The following RPS6KA2 variants were observed in gnomAD, a reference collection of about 807,000 sequenced individuals.
The protein encoded by RPS6KA2 is ribosomal protein S6 kinase A2.
RPS6KA2 carries 42 observed loss-of-function variants against 91.8 expected under a neutral mutation model. That is an observed-to-expected ratio of 0.46 (90% CI 0.36 to 0.59). The LOEUF (loss-of-function observed/expected upper bound fraction) is 0.59. Ranked by LOEUF, RPS6KA2 falls within the 20% of genes least tolerant of loss-of-function variation. RPS6KA2 has a pLI of 0.00. For synonymous variants in RPS6KA2, 414 were observed against 393.6 expected, an observed-to-expected ratio of 1.05 and a Z score of -0.61; for missense variants, 798 against 978.5, an observed-to-expected ratio of 0.82 and a Z score of 2.46.
Position 166,504,640 on chromosome 6 carries a change from C to A in RPS6KA2, c.460-28G>T, listed in dbSNP as rs192353643. 49,670 of 1,478,986 alleles carry A rather than the reference C, an allele frequency of 0.034. 768 individuals carry two copies. Among genetic ancestry groups the A allele is most frequent in the Admixed American group, 0.11 (5,818 of 52,626 alleles). 91.6% of individuals were successfully genotyped at this position (1,478,986 alleles called of 1,614,324 possible). On this transcript the variant is annotated intron_variant, in intron 5 of 20. Coordinates refer to ENST00000265678, the MANE Select transcript of RPS6KA2 (RefSeq NM_021135.6). The stretch of plus-strand genomic sequence containing the variant: ...AGTAAGAAAAAAACAAAAACAAAAA[C>A]AAAAAACGTTTAACTTGTTTTATGG...
Position 166,862,106 on chromosome 6 carries a change from A to G in RPS6KA2, c.63+2T>C. 6.2e-7 allele frequency: 1 copy of G among 1,614,146 alleles called. No individual in the cohort carries two copies. Among genetic ancestry groups the G allele is most frequent in the Non-Finnish European group, 8.5e-7 (1 of 1,180,010 alleles). ...GAAAAGTGCGTTCTCTCCTGCACTC[A>G]CCTCTATTTCCATAGGCTCCACCTC... On this transcript the variant is annotated splice_donor_variant, in intron 1 of 21. Transcript: ENST00000503859. LOFTEE classifies it high-confidence loss of function.
chr6:166,443,107 G>A (rs997068768), intron 14 of RPS6KA2, among the ~76,000 whole-genome samples: 5 of 151,964 alleles, frequency 3.3e-5, no homozygotes, highest in Non-Finnish European at 4.4e-5. Context: ...ACTGTATTAA[G>A]AATACAGTAT....
intron 10 of RPS6KA2, among the ~76,000 whole-genome samples, chr6:166,474,298 A>G (rs1780882120): frequency 6.6e-6 from 1 of 152,190 alleles, no homozygotes; most frequent in South Asian, 2.1e-4. Context: ...GGACAGGAAA[A>G]CAGTAACAAG....
rs1415266000 is a variant in RPS6KA2, at chr6:166,419,704, C to T, written c.1820+178G>A. On this transcript the variant is annotated intron_variant, in intron 18 of 20. Coordinates refer to ENST00000265678, the MANE Select transcript of RPS6KA2 (RefSeq NM_021135.6). The surrounding 1 kb of genome is among the most constrained non-coding windows in gnomAD (Gnocchi z 5.6). ...TTTCTTGTCCTTGTTGTTCAGTTGT[C>T]CTGAGGGGCTAAGAAAGTCTGCGAG... is the stretch of plus-strand genomic sequence containing the variant. Among the ~76,000 whole-genome samples, 1 of 152,180 alleles carries T rather than the reference C, an allele frequency of 6.6e-6. No individual in the cohort carries two copies. The highest frequency in any genetic ancestry group is 1.5e-5 in the Non-Finnish European group (1 of 68,042).
intron 2 of RPS6KA2, among the ~76,000 whole-genome samples, chr6:166,709,169 T>A (rs1479158792): frequency 6.6e-6 from 1 of 152,188 alleles, no homozygotes; most frequent in Non-Finnish European, 1.5e-5. Flanking sequence ...TCACCTCTGC[T>A]TCCCTCACCG....
At chr6:166,428,185 G>C (rs1778994558) in intron 16 of RPS6KA2, among the ~76,000 whole-genome samples, 1 of 151,766 alleles carries the variant, frequency 6.6e-6, no homozygotes, top group African/African-American at 2.4e-5. Flanking sequence ...ACAAACCTGA[G>C]AAAAACAAGC....
intron 17 of RPS6KA2, 128 bp from the exon 18 acceptor site, chr6:166,420,086 T>G (rs2128440247): frequency 2.5e-6 from 2 of 793,174 alleles, no homozygotes; most frequent in South Asian, 3.1e-5. Flanking sequence ...ATGTCTTCGG[T>G]GTGACCACTG....
At chr6:166,701,852 G>C (rs1481578566) in intron 2 of RPS6KA2, 2 of 892,998 alleles carry the variant, frequency 2.2e-6, no homozygotes, top group Admixed American at 1.9e-5. Flanking sequence ...AGCTGTAATG[G>C]TGTGTTCTGG....
At chr6:166,623,401 G>A (rs1233112739) in intron 1 of RPS6KA2, among the ~76,000 whole-genome samples, 1 of 152,228 alleles carries the variant, frequency 6.6e-6, no homozygotes, top group Non-Finnish European at 1.5e-5. Flanking sequence ...CAGCTCAGTG[G>A]ACCTATGGTT....
In RPS6KA2 at chr6:166,500,794, G is replaced by A. The variant is rs573497149; in HGVS notation, c.604+93C>T. On this transcript the variant is annotated intron_variant, in intron 7 of 20. Coordinates refer to ENST00000265678, the MANE Select transcript of RPS6KA2 (RefSeq NM_021135.6). This position sits in a 1 kb window ranked among gnomAD's most constrained non-coding sequence, Gnocchi z 4.3. ...ACAAGCATCTGGCAAAGGGAAGGGC[G>A]GTGTAAATAAGAGGGCTTGGGCTTT... 121 of 1,129,370 alleles carry A rather than the reference G, an allele frequency of 1.1e-4. 1 individual carries two copies. Among genetic ancestry groups the A allele is most frequent in the South Asian group, 9.2e-4 (72 of 78,488 alleles). 70.0% of individuals were successfully genotyped at this position (1,129,370 alleles called of 1,614,324 possible). A position where few individuals can be genotyped will look rare whatever the true frequency, so the allele number is the denominator to read the frequency against.
chr6:166,702,804 G>A, intron 2 of RPS6KA2: 5 of 1,076,470 alleles, frequency 4.6e-6, no homozygotes, highest in South Asian at 1.2e-5. Flanking sequence ...AGGGGGCGGC[G>A]TTCTCGCTGA....
chr6:166,790,146 A>G (rs1349050501), intron 2 of RPS6KA2, among the ~76,000 whole-genome samples: 7 of 152,182 alleles, frequency 4.6e-5, no homozygotes, highest in African/African-American at 1.7e-4. Flanking sequence ...AACTAGAATA[A>G]CCAATGCAGA....
intron 2 of RPS6KA2, among the ~76,000 whole-genome samples, chr6:166,807,650 T>C (rs1006210479): frequency 2.6e-5 from 4 of 151,924 alleles, no homozygotes; most frequent in Non-Finnish European, 5.9e-5. Context: ...GCCTCTCCCC[T>C]GCTGTTCTCC....
At chr6:166,798,313 T>C (rs845650) in intron 2 of RPS6KA2, among the ~76,000 whole-genome samples, 66,257 of 152,068 alleles carry the variant, frequency 0.44, 14,934 homozygotes, top group East Asian at 0.54. Context: ...GAGTTACAGC[T>C]GGCCTCAAAA....
rs532566865 is a variant in RPS6KA2, at chr6:166,424,508, A to G, written c.1582-1091T>C. On this transcript the variant is annotated intron_variant, in intron 16 of 20. Transcript: ENST00000265678. ...GGAAGAGATGGCGCACAGAGGAAAC[A>G]TGTGATACGGTGCAGCTGCCTCCCT... Among the ~76,000 whole-genome samples, 3 of 151,956 alleles carry G rather than the reference A, an allele frequency of 2.0e-5. No individual in the cohort carries two copies. In the South Asian group the frequency reaches 6.2e-4, roughly 32 times the overall value.
upstream of RPS6KA2, among the ~76,000 whole-genome samples, chr6:166,630,080 C>G (rs1293892800): frequency 6.6e-6 from 1 of 152,152 alleles, no homozygotes; most frequent in African/African-American, 2.4e-5. Flanking sequence ...CTCTGAACCC[C>G]TGAGGGTAAG....
intron 2 of RPS6KA2, among the ~76,000 whole-genome samples, chr6:166,782,381 A>G (rs1778793950): frequency 6.6e-6 from 1 of 152,168 alleles, no homozygotes; most frequent in African/African-American, 2.4e-5. Flanking sequence ...TTCAGAAGCA[A>G]TTGAGTCTTT....
At position 166,601,686 on chromosome 6, in the gene RPS6KA2, T is replaced by C. The variant is rs576600037; in HGVS notation, c.99+25235A>G. Among the ~76,000 whole-genome samples the C allele has an allele frequency of 4.6e-5, 7 of 152,332 alleles. No individual in the cohort carries two copies. In the South Asian group the frequency reaches 6.2e-4, roughly 14 times the overall value. ...ACACAATAAGGGGCACTAAAAAAATTGGTTATCTTATTTAAAAAGCAGAAA... is the reference window on the plus strand; with the variant it reads ...ACACAATAAGGGGCACTAAAAAAATCGGTTATCTTATTTAAAAAGCAGAAA... On this transcript the variant is annotated intron_variant, in intron 1 of 20. Transcript: ENST00000265678.
chr6:166,617,254 G>A (rs1257890605), intron 1 of RPS6KA2, among the ~76,000 whole-genome samples: 1 of 152,172 alleles, frequency 6.6e-6, no homozygotes, highest in Admixed American at 6.5e-5. Context: ...GACTTTTCCT[G>A]TTTTTCTATT....
Sources: gnomAD v4.1 joint callset for allele counts (sites outside exome capture counted in the v4.1 genomes callset) on GRCh38, gnomAD v4.1.1 for gene constraint, Gnocchi (gnomAD v3.1) non-coding constraint, MANE v1.5 for transcripts, NCBI Gene and HGNC (gene_info 2026-07-23, HGNC 2026-07-21) for gene names.